Variants in GRAMD2B observed in about 807,000 individuals in gnomAD.
GRAMD2B encodes GRAM domain-containing protein 2B.
A neutral mutation model predicts 59.2 loss-of-function variants in GRAMD2B; 41 were observed. That is an observed-to-expected ratio of 0.69 (90% CI 0.54 to 0.90). The LOEUF (loss-of-function observed/expected upper bound fraction) is 0.90. GRAMD2B is among the 40% of genes least tolerant of loss of function. The pLI is 0.00. For synonymous variants in GRAMD2B, 161 were observed against 182.7 expected, an observed-to-expected ratio of 0.88 and a Z score of 0.96; for missense variants, 424 against 500.5, an observed-to-expected ratio of 0.85 and a Z score of 1.46.
chr5:126,446,527 C>T (rs1764261796), intron 1 of GRAMD2B, among the ~76,000 whole-genome samples: 1 of 150,760 alleles, frequency 6.6e-6, no homozygotes, highest in Admixed American at 6.6e-5. Flanking sequence ...GTAACCGTGA[C>T]TGATTTTAAA....
intron 1 of GRAMD2B, among the ~76,000 whole-genome samples, chr5:126,425,025 G>A (rs756832070): frequency 6.6e-6 from 1 of 152,158 alleles, no homozygotes; most frequent in Admixed American, 6.5e-5. Context: ...TTAAAAATAG[G>A]CTTCTCTGCC....
chr5:126,366,911 G>A (rs1417386742), upstream of GRAMD2B, among the ~76,000 whole-genome samples: 1 of 140,426 alleles, frequency 7.1e-6, no homozygotes, highest in Non-Finnish European at 1.5e-5. Context: ...CTGGAGTGCA[G>A]TGGCGCGATC....
chr5:126,360,182 C>A (rs77944663), exon 1 of GRAMD2B: 1 of 840,920 alleles, frequency 1.2e-6, no homozygotes, highest in Non-Finnish European at 1.8e-6. Context: ...TCTGAGCAGA[C>A]GCTGAAAGAG....
chr5:126,392,450 C>T (rs1435618750), intron 1 of GRAMD2B, among the ~76,000 whole-genome samples: 1 of 152,038 alleles, frequency 6.6e-6, no homozygotes, highest in African/African-American at 2.4e-5. Context: ...ATATTTCTGC[C>T]CAGAGATGCC....
chr5:126,474,979 G>C (rs952826213), intron 5 of GRAMD2B, among the ~76,000 whole-genome samples: 5 of 152,160 alleles, frequency 3.3e-5, no homozygotes, highest in Non-Finnish European at 7.3e-5. Flanking sequence ...AGATGTTGCA[G>C]AATTTCCTCA....
At chr5:126,426,302 T>C (rs1247773149) in intron 1 of GRAMD2B, among the ~76,000 whole-genome samples, 1 of 152,230 alleles carries the variant, frequency 6.6e-6, no homozygotes, top group Non-Finnish European at 1.5e-5. Flanking sequence ...TTCCCCTCTC[T>C]CCTCTCTCTT....
rs993588746 is a variant in GRAMD2B at position 126,465,628 on chromosome 5, G to T, written c.203+83G>T. ...AGGAGGAGCAGGGGTTTTTTGTTAA[G>T]AGTGAGGATGTATTAATACTATAGA... On this transcript the variant is annotated intron_variant, in intron 2 of 13. Transcript: ENST00000285689. 3 of 1,228,370 alleles carry T rather than the reference G, an allele frequency of 2.4e-6. No individual in the cohort carries two copies. In the Admixed American group the frequency reaches 6.3e-5, roughly 26 times the overall value. 76.1% of individuals were successfully genotyped at this position (1,228,370 alleles called of 1,614,324 possible).
chr5:126,459,287 T>A (rs533932367), intron 1 of GRAMD2B, among the ~76,000 whole-genome samples: 1 of 152,342 alleles, frequency 6.6e-6, no homozygotes, highest in East Asian at 1.9e-4. Flanking sequence ...CACTTAACTT[T>A]TTTTTGAAAT....
chr5:126,383,741 C>A (rs1373683275), intron 1 of GRAMD2B, among the ~76,000 whole-genome samples: 6 of 152,212 alleles, frequency 3.9e-5, no homozygotes, highest in African/African-American at 1.4e-4. Context: ...ATTCACCCAG[C>A]TTGGCTTCAA....
chr5:126,440,482 A>G (rs1007041797), intron 1 of GRAMD2B, among the ~76,000 whole-genome samples: 1 of 152,208 alleles, frequency 6.6e-6, no homozygotes, highest in Non-Finnish European at 1.5e-5. Context: ...AAATCCAAAT[A>G]TATCTGGAGG....
At chr5:126,368,515 T>A (rs1754572708), upstream of GRAMD2B, among the ~76,000 whole-genome samples, 1 of 152,242 alleles carries the variant, frequency 6.6e-6, no homozygotes, top group Admixed American at 6.5e-5. Flanking sequence ...AGAAGTGAAA[T>A]TCACCGGGCA....
chr5:126,458,653 AC>A (rs1766788390), intron 1 of GRAMD2B: 1 of 152,190 alleles, frequency 6.6e-6, no homozygotes, highest in South Asian at 2.1e-4. Context: ...ATAACTAGTT[AC>A]CACAGTTTCC....
intron 1 of GRAMD2B, among the ~76,000 whole-genome samples, chr5:126,371,746 G>C (rs1322902765): frequency 6.6e-6 from 1 of 152,094 alleles, no homozygotes; most frequent in African/African-American, 2.4e-5. Context: ...AATAAGGGAT[G>C]GGCTCTTCTG....
intron 1 of GRAMD2B, among the ~76,000 whole-genome samples, chr5:126,450,652 TAAAAAAAA>T (rs10544199): frequency 0.011 from 1,081 of 96,058 alleles, 27 homozygotes; most frequent in African/African-American, 0.042. Context: ...AGCCTGCTGT[TAAAAAAAA>T]AAAAAAAAAA....
At chr5:126,395,485 C>A (rs1757279623) in intron 1 of GRAMD2B, among the ~76,000 whole-genome samples, 1 of 152,194 alleles carries the variant, frequency 6.6e-6, no homozygotes, top group Non-Finnish European at 1.5e-5. Context: ...AGAGGTGACT[C>A]TCACTGAACC....
At chr5:126,381,326 A>G (rs549049559) in intron 1 of GRAMD2B, among the ~76,000 whole-genome samples, 54 of 152,246 alleles carry the variant, frequency 3.5e-4, no homozygotes, top group Non-Finnish European at 6.5e-4. Context: ...GGATTTTCTC[A>G]TCTATGTTCA....
intron 4 of GRAMD2B, among the ~76,000 whole-genome samples, chr5:126,472,541 G>A (rs1197725152): frequency 1.5e-4 from 23 of 152,286 alleles, no homozygotes; most frequent in East Asian, 1.2e-3. Context: ...AGATGGTTCC[G>A]TGATGCCCTT....
At chr5:126,476,154 T>C (rs991697524) in intron 5 of GRAMD2B, among the ~76,000 whole-genome samples, 1 of 152,122 alleles carries the variant, frequency 6.6e-6, no homozygotes, top group Non-Finnish European at 1.5e-5. Flanking sequence ...ATGCCTGTAA[T>C]CCCAGCTACT....
intron 8 of GRAMD2B, 52 bp from the exon 9 acceptor site, chr5:126,483,411 C>T: frequency 9.0e-7 from 1 of 1,112,796 alleles, no homozygotes; most frequent in South Asian, 1.3e-5. Context: ...CAAAGGCCTG[C>T]CTGTTTACTA....
Sources: allele counts gnomAD v4.1 joint callset (sites outside exome capture counted in the v4.1 genomes callset), GRCh38; gene constraint gnomAD v4.1.1; transcripts MANE v1.5; gene names NCBI Gene and HGNC (gene_info 2026-07-23, HGNC 2026-07-21).